Variants in STRADA observed in about 807,000 individuals in gnomAD.
The protein encoded by STRADA is STE20-related kinase adapter protein alpha.
Under a neutral mutation model 55.0 loss-of-function variants are expected in STRADA, and 26 were observed. The observed-to-expected ratio is 0.47, with a 90% confidence interval of 0.35 to 0.66. STRADA has a LOEUF of 0.66. Ranked by LOEUF, STRADA falls within the 30% of genes least tolerant of loss-of-function variation. The pLI is 0.01. For synonymous variants in STRADA, 197 were observed against 210.9 expected (o/e 0.93, Z 0.57); for missense variants, 443 against 549.7 (o/e 0.81, Z 1.94).
intron 6 of STRADA, among the ~76,000 whole-genome samples, chr17:63,712,949 C>T (rs943049188): frequency 2.0e-5 from 3 of 148,270 alleles, no homozygotes; most frequent in Non-Finnish European, 4.4e-5. Flanking sequence ...TGCAGTGAGC[C>T]GAGATCGTGC....
At chr17:63,707,167 C>T (rs1168344156) in intron 9 of STRADA, 80 bp downstream of exon 9, 10 of 1,570,420 alleles carry the variant, frequency 6.4e-6, no homozygotes, top group Non-Finnish European at 8.7e-6. Context: ...GTTGAGAGCC[C>T]CCGACTCCAG....
At chr17:63,731,934 G>A (rs2038088019) in intron 1 of STRADA, among the ~76,000 whole-genome samples, 2 of 151,986 alleles carry the variant, frequency 1.3e-5, no homozygotes, top group Admixed American at 6.6e-5. Context: ...GCACAATCTC[G>A]GTTCACAGCA....
At chr17:63,724,165 C>T (rs2037491179) in intron 3 of STRADA, among the ~76,000 whole-genome samples, 1 of 151,854 alleles carries the variant, frequency 6.6e-6, no homozygotes, top group Non-Finnish European at 1.5e-5. Flanking sequence ...TTTTTGGAGG[C>T]AGAGTCTTGC....
chr17:63,707,104 C>G, intron 9 of STRADA, 143 bp downstream of exon 9: 1 of 1,015,522 alleles, frequency 9.8e-7, no homozygotes, highest in Non-Finnish European at 1.4e-6. Flanking sequence ...TGGACAGGCG[C>G]TGCCCACGCT....
chr17:63,704,849 TCA>T (rs1277830032), intron 10 of STRADA: 4 of 1,535,936 alleles, frequency 2.6e-6, no homozygotes, highest in Admixed American at 2.0e-5. Flanking sequence ...AAAGCAGGGC[TCA>T]CAGTTTCCGC....
rs1257000116 is a variant in STRADA, at chr17:63,719,825, G to A, written c.123+3473C>T. On this transcript the variant is annotated intron_variant, in intron 4 of 12. Transcript: ENST00000336174. ...CCTATGTCCCTCTTCCTTGTCAGGC[G>A]TGCATATAAGCTTATAAGACATATT... 3.3e-5 allele frequency among the ~76,000 whole-genome samples: 5 copies of A among 152,038 alleles called. No individual in the cohort carries two copies. In the East Asian group the frequency reaches 9.7e-4, roughly 29 times the overall value.
At chr17:63,709,577 T>C (rs9902164) in intron 8 of STRADA, among the ~76,000 whole-genome samples, 5,208 of 152,302 alleles carry the variant, frequency 0.034, 322 homozygotes, top group African/African-American at 0.12. Context: ...CTTGATCTAA[T>C]CAAATTCATC....
chr17:63,714,960 G>T (rs1281938797), intron 4 of STRADA, among the ~76,000 whole-genome samples: 1 of 152,152 alleles, frequency 6.6e-6, no homozygotes, highest in African/African-American at 2.4e-5. Context: ...TTTTCTTTTA[G>T]ATTCTCTTTC....
At position 63,703,500 on chromosome 17, in the gene STRADA, C is replaced by T. The variant is rs1364315138; in HGVS notation, c.*99G>A. 2 of 1,168,166 alleles carry T rather than the reference C, an allele frequency of 1.7e-6. No homozygotes were observed. Among genetic ancestry groups the T allele is most frequent in the African/African-American group, 3.1e-5 (2 of 63,972 alleles). 72.4% of individuals were successfully genotyped at this position (1,168,166 alleles called of 1,614,324 possible). A position where few individuals can be genotyped will look rare whatever the true frequency, so the allele number is the denominator to read the frequency against. ...TTCCTGGAAGAATGTCCTTTCTACC[C>T]AATCTGCCCAGGAGGGCGGGAATGT... is the stretch of plus-strand genomic sequence containing the variant. On this transcript the variant is annotated 3_prime_UTR_variant, in exon 13 of 13. Coordinates refer to ENST00000336174, the MANE Select transcript of STRADA (RefSeq NM_001003787.4).
In STRADA at chr17:63,710,752, C is replaced by A; in HGVS notation, c.433G>T (p.Val145Phe). The A allele has an allele frequency of 6.2e-7, 1 of 1,614,200 alleles. No individual in the cohort carries two copies. The highest frequency in any genetic ancestry group is 8.5e-7 in the Non-Finnish European group (1 of 1,180,026). Residue 145 changes from valine to phenylalanine, a missense_variant, in exon 7 of 13, where the codon GTT becomes TTT. Val to Phe is a conservative substitution (Grantham distance 50, BLOSUM62 -1). Transcript: ENST00000336174. ...CCGTATGCCATGAATGATGTGACAACCCACAGCTCATTGTCTGCAATAAAA... is the reference window on the plus strand; with the variant it reads ...CCGTATGCCATGAATGATGTGACAAACCACAGCTCATTGTCTGCAATAAAA... ...ATFIADNELWVVTSFMAYGSA... is the reference protein window; with the variant it reads ...ATFIADNELWFVTSFMAYGSA...
chr17:63,726,992 C>A (rs1335889373), intron 2 of STRADA: 3 of 390,034 alleles, frequency 7.7e-6, no homozygotes, highest in Admixed American at 4.3e-5. Flanking sequence ...TTCCATCTTA[C>A]TCGTTCTACA....
At chr17:63,718,684 TA>T (rs2037074867) in intron 4 of STRADA, 1 of 152,200 alleles carries the variant, frequency 6.6e-6, no homozygotes, top group Non-Finnish European at 1.5e-5. Context: ...TATTCCCACA[TA>T]AACAAGTGTG....
In STRADA at chr17:63,704,004, C is replaced by A. The variant is rs757077379; in HGVS notation, c.1143+1G>T. 7 of 1,613,968 alleles carry A rather than the reference C, an allele frequency of 4.3e-6. No individual in the cohort carries two copies. The highest frequency in any genetic ancestry group is 5.9e-6 in the Non-Finnish European group (7 of 1,179,952). On this transcript the variant is annotated splice_donor_variant, in intron 12 of 12. Transcript: ENST00000336174. LOFTEE classifies it high-confidence loss of function. ...GAACCAGAACGAAGGGGCTACGATA[C>A]CTGCTTGAAGAAAGAGTGGTTCAGG...
intron 8 of STRADA, among the ~76,000 whole-genome samples, chr17:63,710,058 A>G (rs1041961358): frequency 6.8e-6 from 1 of 148,004 alleles, no homozygotes; most frequent in Non-Finnish European, 1.5e-5. Context: ...TTTTCAGACA[A>G]GAGTCTCACT....
chr17:63,726,334 C>G (rs2037655142), intron 3 of STRADA: 1 of 275,018 alleles, frequency 3.6e-6, no homozygotes, highest in African/African-American at 2.2e-5. Flanking sequence ...TTTTTTAAAT[C>G]AAGGCTACAG....
chr17:63,719,305 C>T (rs1291075746), intron 4 of STRADA, among the ~76,000 whole-genome samples: 1 of 152,174 alleles, frequency 6.6e-6, no homozygotes, highest in Non-Finnish European at 1.5e-5. Context: ...AACAATATGG[C>T]CTCAATGAGA....
chr17:63,728,735 T>TAAAAAA (rs36091754), intron 1 of STRADA, among the ~76,000 whole-genome samples: 1 of 112,428 alleles, frequency 8.9e-6, no homozygotes, highest in Non-Finnish European at 1.8e-5. Flanking sequence ...CCCATCTCTA[T>TAAAAAA]AAAAAAAAAA....
rs2035844129 is a variant in STRADA, at chr17:63,703,322, C to T, written c.*277G>A. 1 of 347,306 alleles carries T rather than the reference C, an allele frequency of 2.9e-6. No individual in the cohort carries two copies. Among genetic ancestry groups the T allele is most frequent in the South Asian group, 4.0e-5 (1 of 25,224 alleles). 21.5% of individuals were successfully genotyped at this position (347,306 alleles called of 1,614,324 possible). On this transcript the variant is annotated 3_prime_UTR_variant, in exon 13 of 13. Transcript: ENST00000336174. ...CCAGGGCCAGAGCAGCATCTCTCTT[C>T]TGCGGAGGAGGTCACCTGAGCTCAC...
chr17:63,706,557 CCT>C, intron 10 of STRADA, 76 bp downstream of exon 10: 1 of 1,010,032 alleles, frequency 9.9e-7, no homozygotes, highest in Non-Finnish European at 1.5e-6. Context: ...TAGTCTGTGT[CCT>C]GAGTGTGAGA....
Sources: allele counts gnomAD v4.1 joint callset (sites outside exome capture counted in the v4.1 genomes callset), GRCh38; gene constraint gnomAD v4.1.1; transcripts MANE v1.5; gene names NCBI Gene and HGNC (gene_info 2026-07-23, HGNC 2026-07-21).